Variants in ZSWIM6 observed in about 807,000 individuals in gnomAD.
ZSWIM6 encodes the protein zinc finger SWIM-type containing 6.
In ZSWIM6, 9 loss-of-function variants were observed where a neutral mutation model predicts 113.2. The ratio of observed to expected loss-of-function variants is 0.08; its 90% CI spans 0.05 to 0.14. The LOEUF (loss-of-function observed/expected upper bound fraction) is 0.14. Ranked by LOEUF, ZSWIM6 falls within the 10% of genes least tolerant of loss-of-function variation. The pLI, the probability that ZSWIM6 is intolerant of heterozygous loss-of-function variation, is 1.00. For synonymous variants in ZSWIM6, 611 were observed against 606.5 expected, an observed-to-expected ratio of 1.01 and a Z score of -0.11; for missense variants, 1,162 against 1,552.2, an observed-to-expected ratio of 0.75 and a Z score of 4.22.
At chr5:61,480,695 G>A (rs1747834077) in intron 2 of ZSWIM6, among the ~76,000 whole-genome samples, 1 of 152,172 alleles carries the variant, frequency 6.6e-6, no homozygotes, top group Non-Finnish European at 1.5e-5. Flanking sequence ...TTTATTGAGT[G>A]TACATCATTT....
chr5:61,432,363 A>G (rs1482179854), intron 1 of ZSWIM6, among the ~76,000 whole-genome samples: 1 of 152,230 alleles, frequency 6.6e-6, no homozygotes, highest in Non-Finnish European at 1.5e-5. Context: ...GAAAGAGAGA[A>G]AGAAGACCAA....
chr5:61,342,754 TTTTG>T (rs926033893), intron 1 of ZSWIM6, among the ~76,000 whole-genome samples: 8 of 152,206 alleles, frequency 5.3e-5, no homozygotes, highest in Non-Finnish European at 8.8e-5. Flanking sequence ...TTTAAAAAAA[TTTTG>T]GTTGTCTTAA....
chr5:61,384,171 G>A (rs951314191), intron 1 of ZSWIM6, among the ~76,000 whole-genome samples: 2 of 149,602 alleles, frequency 1.3e-5, no homozygotes, highest in South Asian at 4.2e-4. Flanking sequence ...AACCCGGGAA[G>A]CGGAGCTTGC....
At chr5:61,388,698 G>A (rs1414166090) in intron 1 of ZSWIM6, among the ~76,000 whole-genome samples, 2 of 152,236 alleles carry the variant, frequency 1.3e-5, no homozygotes, top group Non-Finnish European at 2.9e-5. Flanking sequence ...TGAACACACA[G>A]TGGCTCAAAA....
At chr5:61,532,716 G>A (rs1341880823) in intron 9 of ZSWIM6, among the ~76,000 whole-genome samples, 2 of 152,074 alleles carry the variant, frequency 1.3e-5, no homozygotes, top group African/African-American at 4.8e-5. Flanking sequence ...CTTCTTAATA[G>A]CATGCTTAAT....
chr5:61,360,232 CA>C (rs34334297), intron 1 of ZSWIM6, among the ~76,000 whole-genome samples: 89,252 of 151,956 alleles, frequency 0.59, 28,796 homozygotes, highest in African/African-American at 0.86. Context: ...AACCAGGAAA[CA>C]AAAAAAGGCC....
At chr5:61,459,915 C>G (rs1194558306) in intron 1 of ZSWIM6, among the ~76,000 whole-genome samples, 4 of 152,306 alleles carry the variant, frequency 2.6e-5, no homozygotes, top group Admixed American at 2.6e-4. Flanking sequence ...ATTGTAAACA[C>G]TTTCTCAGCC....
intron 1 of ZSWIM6, among the ~76,000 whole-genome samples, chr5:61,356,118 A>G (rs1015441377): frequency 2.0e-5 from 3 of 152,186 alleles, no homozygotes; most frequent in African/African-American, 7.2e-5. Flanking sequence ...GTGTTTCGGC[A>G]GAGATGGAGC....
At chr5:61,384,172 C>T (rs1477799933) in intron 1 of ZSWIM6, among the ~76,000 whole-genome samples, 3 of 144,292 alleles carry the variant, frequency 2.1e-5, no homozygotes, top group Non-Finnish European at 4.5e-5. Context: ...ACCCGGGAAG[C>T]GGAGCTTGCA....
At chr5:61,416,600 G>A (rs1442354228) in intron 1 of ZSWIM6, among the ~76,000 whole-genome samples, 1 of 152,200 alleles carries the variant, frequency 6.6e-6, no homozygotes, top group Admixed American at 6.5e-5. Context: ...TGAATCAAAG[G>A]TTTGATCCCT....
chr5:61,395,309 CT>C (rs1205055140), intron 1 of ZSWIM6, among the ~76,000 whole-genome samples: 6 of 152,002 alleles, frequency 3.9e-5, no homozygotes, highest in African/African-American at 1.4e-4. Flanking sequence ...TGGGTGTGTC[CT>C]TGCCCAGTCT....
intron 1 of ZSWIM6, chr5:61,375,665 C>T: frequency 1.9e-6 from 3 of 1,545,434 alleles, no homozygotes; most frequent in South Asian, 1.2e-5. Context: ...AAGATGTATT[C>T]TGAAGATAAA....
intron 1 of ZSWIM6, among the ~76,000 whole-genome samples, chr5:61,471,444 CTGG>C (rs1448546656): frequency 6.6e-6 from 1 of 152,130 alleles, no homozygotes; most frequent in African/African-American, 2.4e-5. Flanking sequence ...CTGGTGGGCA[CTGG>C]TGGTGGAAGG....
intron 1 of ZSWIM6, among the ~76,000 whole-genome samples, chr5:61,363,485 A>G (rs552089056): frequency 1.3e-5 from 2 of 152,338 alleles, no homozygotes; most frequent in East Asian, 3.9e-4. Context: ...GTTCTCGGCA[A>G]TCTCATCTCT....
At chr5:61,352,683 A>G (rs1293437595) in intron 1 of ZSWIM6, among the ~76,000 whole-genome samples, 1 of 152,224 alleles carries the variant, frequency 6.6e-6, no homozygotes, top group African/African-American at 2.4e-5. Flanking sequence ...AGTTTAAGAA[A>G]CGGTATGCTA....
chr5:61,504,387 T>G (rs141275016), intron 4 of ZSWIM6, among the ~76,000 whole-genome samples: 3 of 152,196 alleles, frequency 2.0e-5, no homozygotes, highest in African/African-American at 7.2e-5. Flanking sequence ...TATACTATCA[T>G]ACACAATACA....
At chr5:61,523,756 A>G (rs553541637) in intron 5 of ZSWIM6, among the ~76,000 whole-genome samples, 16 of 152,270 alleles carry the variant, frequency 1.1e-4, no homozygotes, top group Admixed American at 5.2e-4. Flanking sequence ...TGTGTTTCCC[A>G]TATTATTACA....
At chr5:61,456,890 C>CTTTTTTTTT (rs57188174) in intron 1 of ZSWIM6, among the ~76,000 whole-genome samples, 1 of 142,758 alleles carries the variant, frequency 7.0e-6, no homozygotes, top group Non-Finnish European at 1.5e-5. Context: ...TATCCAATTT[C>CTTTTTTTTT]TTTTTTTTTT....
At chr5:61,513,003 G>T (rs1748830263) in intron 4 of ZSWIM6, among the ~76,000 whole-genome samples, 1 of 151,782 alleles carries the variant, frequency 6.6e-6, no homozygotes, top group Non-Finnish European at 1.5e-5. Flanking sequence ...TACATTAGAG[G>T]TTCGCTCTTG....
Sources: allele counts gnomAD v4.1 joint callset (sites outside exome capture counted in the v4.1 genomes callset), GRCh38; gene constraint gnomAD v4.1.1; transcripts MANE v1.5; gene names NCBI Gene and HGNC (gene_info 2026-07-23, HGNC 2026-07-21).